The following LRRFIP2 variants were observed in gnomAD, a reference collection of about 807,000 sequenced individuals.
LRRFIP2 encodes the protein leucine-rich repeat flightless-interacting protein 2.
LRRFIP2 carries 109 observed loss-of-function variants against 125.9 expected under a neutral mutation model. That is an observed-to-expected ratio of 0.87 (90% CI 0.74 to 1.01). LRRFIP2 has a LOEUF of 1.01. LRRFIP2 is among the 50% of genes least tolerant of loss of function. The pLI is 0.00. For missense variants in LRRFIP2, 850 were observed against 862.3 expected (o/e 0.99, Z 0.18); for synonymous variants, 291 against 293.1 (o/e 0.99, Z 0.07).
At chr3:37,106,240 T>C (rs932758639) in intron 13 of LRRFIP2, among the ~76,000 whole-genome samples, 1 of 152,216 alleles carries the variant, frequency 6.6e-6, no homozygotes, top group Non-Finnish European at 1.5e-5. Flanking sequence ...TGTAAGTCAA[T>C]GACAGAAATT....
chr3:37,054,319 A>G (rs1248671165), intron 27 of LRRFIP2, 92 bp downstream of exon 27: 3 of 1,030,598 alleles, frequency 2.9e-6, no homozygotes, highest in Non-Finnish European at 4.4e-6. Context: ...TGTTTCCTTA[A>G]GTATCAAATT....
At chr3:37,112,334 C>CAAAAAAAGAAAA (rs1178529042) in intron 8 of LRRFIP2, among the ~76,000 whole-genome samples, 1 of 73,014 alleles carries the variant, frequency 1.4e-5, no homozygotes, top group Admixed American at 1.7e-4. Flanking sequence ...GACTCCATCT[C>CAAAAAAAGAAAA]AAAAAAAGAA....
chr3:37,071,868 G>A (rs2091252759), intron 21 of LRRFIP2, among the ~76,000 whole-genome samples: 1 of 152,172 alleles, frequency 6.6e-6, no homozygotes. Context: ...GGCCACATGA[G>A]ATGAACTGGA....
intron 4 of LRRFIP2, among the ~76,000 whole-genome samples, chr3:37,121,914 T>G (rs1414389350): frequency 6.6e-6 from 1 of 151,022 alleles, no homozygotes; most frequent in Non-Finnish European, 1.5e-5. Flanking sequence ...GTACTAGTTT[T>G]CTTTCTTTTT....
chr3:37,086,196 T>C (rs930772267), intron 18 of LRRFIP2, among the ~76,000 whole-genome samples: 3 of 152,208 alleles, frequency 2.0e-5, no homozygotes, highest in Non-Finnish European at 2.9e-5. Context: ...AGGATGGCTA[T>C]AATCTATAAT....
chr3:37,092,790 A>AC (rs1316435673), intron 17 of LRRFIP2, among the ~76,000 whole-genome samples: 6 of 149,540 alleles, frequency 4.0e-5, no homozygotes, highest in Non-Finnish European at 8.9e-5. Flanking sequence ...TCCTCCCCTA[A>AC]CCCCCCAACC....
chr3:37,156,072 A>G (rs1309776685), intron 1 of LRRFIP2, among the ~76,000 whole-genome samples: 2 of 152,132 alleles, frequency 1.3e-5, no homozygotes, highest in Non-Finnish European at 2.9e-5. Flanking sequence ...ACAGGGCTAC[A>G]CCATGTTAGC....
At chr3:37,072,973 A>G in intron 20 of LRRFIP2, 91 bp from the exon 21 acceptor site, 1 of 810,330 alleles carries the variant, frequency 1.2e-6, no homozygotes, top group Non-Finnish European at 2.0e-6. Flanking sequence ...AAGCCGATAA[A>G]GAAACTTAAC....
At chr3:37,126,868 A>G (rs928547396) in intron 4 of LRRFIP2, among the ~76,000 whole-genome samples, 3 of 147,220 alleles carry the variant, frequency 2.0e-5, no homozygotes, top group East Asian at 2.0e-4. Context: ...TCAAAAAAAA[A>G]AAAGAAAGAA....
At chr3:37,161,168 AC>A (rs2096329234) in intron 1 of LRRFIP2, among the ~76,000 whole-genome samples, 1 of 143,548 alleles carries the variant, frequency 7.0e-6, no homozygotes, top group Admixed American at 7.1e-5. Context: ...ACATGGTGAA[AC>A]CCCATCTACT....
intron 1 of LRRFIP2, among the ~76,000 whole-genome samples, chr3:37,151,799 T>G (rs931299625): frequency 7.9e-5 from 12 of 152,146 alleles, no homozygotes; most frequent in African/African-American, 2.9e-4. Flanking sequence ...GGTTTCGCCA[T>G]GTTGGCCAGG....
At chr3:37,062,841 T>G (rs992047083) in intron 24 of LRRFIP2, among the ~76,000 whole-genome samples, 4 of 151,990 alleles carry the variant, frequency 2.6e-5, no homozygotes, top group African/African-American at 9.7e-5. Flanking sequence ...TACTGGAAGA[T>G]GTACCAAAAT....
intron 1 of LRRFIP2, among the ~76,000 whole-genome samples, chr3:37,169,753 A>G (rs1359219981): frequency 2.6e-5 from 4 of 152,212 alleles, no homozygotes; most frequent in Non-Finnish European, 5.9e-5. Flanking sequence ...CTGTTATATC[A>G]AAAGTAGTTA....
At chr3:37,074,731 T>C (rs530976721) in intron 20 of LRRFIP2, among the ~76,000 whole-genome samples, 36 of 152,212 alleles carry the variant, frequency 2.4e-4, no homozygotes, top group Non-Finnish European at 3.7e-4. Context: ...CAAAGAATAA[T>C]GTTATTCTAT....
In LRRFIP2 at chr3:37,150,032, A is replaced by C. The variant is rs1053331298; in HGVS notation, c.-55-994T>G. Among the ~76,000 whole-genome samples the C allele has an allele frequency of 3.3e-5, 5 of 151,826 alleles. No homozygotes were observed. The South Asian group carries it at 8.3e-4, about 25-fold the overall frequency. ...AAACAAAAACAAACAGACAAAAAAA[A>C]CCCACAACCATATAAAAGAAAAAAT... On this transcript the variant is annotated intron_variant, in intron 1 of 27. Coordinates refer to ENST00000336686, the MANE Select transcript of LRRFIP2 (RefSeq NM_006309.4).
intron 1 of LRRFIP2, among the ~76,000 whole-genome samples, chr3:37,163,535 G>C (rs769246159): frequency 1.2e-4 from 19 of 152,178 alleles, no homozygotes; most frequent in Non-Finnish European, 2.6e-4. Context: ...AGAATCACTA[G>C]CTGAAAGCAG....
In LRRFIP2 at chr3:37,096,993, A is replaced by T. The variant is rs147508001; in HGVS notation, c.874-333T>A. On this transcript the variant is annotated intron_variant, in intron 15 of 27. Transcript: ENST00000336686. Reference sequence around the variant, plus strand: ...AAATGTTAATACAAAAAAAGCTTGTACATATCAAAAAGAAAAGTCTGATAA... The same window carrying T: ...AAATGTTAATACAAAAAAAGCTTGTTCATATCAAAAAGAAAAGTCTGATAA... Among the ~76,000 whole-genome samples the T allele has an allele frequency of 8.8e-4, 134 of 152,226 alleles. 1 individual carries two copies. The highest frequency in any genetic ancestry group is 2.5e-3 in the African/African-American group (104 of 41,564).
chr3:37,080,466 A>C lies in LRRFIP2; in HGVS notation c.1278+3170T>G, dbSNP rs2092542906. Among the ~76,000 whole-genome samples the C allele has an allele frequency of 4.6e-5, 7 of 152,178 alleles. No individual in the cohort carries two copies. In the South Asian group the frequency reaches 1.5e-3, roughly 32 times the overall value. ...AAAATAAAATAAATTGGTAATGATA[A>C]AATCAGAACATCCCATTTTGCAGCC... is the stretch of plus-strand genomic sequence containing the variant. On this transcript the variant is annotated intron_variant, in intron 19 of 27. Coordinates refer to ENST00000336686, the MANE Select transcript of LRRFIP2 (RefSeq NM_006309.4).
chr3:37,075,789 T>C (rs2091932409), intron 19 of LRRFIP2, among the ~76,000 whole-genome samples: 1 of 152,108 alleles, frequency 6.6e-6, no homozygotes, highest in Middle Eastern at 3.2e-3. Flanking sequence ...TTATTAGGTA[T>C]TAAAACATAT....
Sources: allele counts gnomAD v4.1 joint callset (sites outside exome capture counted in the v4.1 genomes callset), GRCh38; gene constraint gnomAD v4.1.1; transcripts MANE v1.5; gene names NCBI Gene and HGNC (gene_info 2026-07-23, HGNC 2026-07-21).